GALK2: variants seen among roughly 807,000 people sequenced by gnomAD.
The protein encoded by GALK2 is galactokinase 2.
Under a neutral mutation model 52.4 loss-of-function variants are expected in GALK2, and 36 were observed. The ratio of observed to expected loss-of-function variants is 0.69; its 90% CI spans 0.53 to 0.91. The LOEUF (loss-of-function observed/expected upper bound fraction) is 0.91. Among genes scored for constraint, GALK2 ranks in the 40% least tolerant of loss-of-function variants. The pLI, the probability that GALK2 is intolerant of heterozygous loss-of-function variation, is 0.00. For missense variants in GALK2, 579 were observed against 559.1 expected (o/e 1.04, Z -0.36); for synonymous variants, 176 against 199.1 (o/e 0.88, Z 0.98).
chr15:49,341,239 G>A (rs1292571034), intron 3 of GALK2, among the ~76,000 whole-genome samples: 1 of 151,886 alleles, frequency 6.6e-6, no homozygotes, highest in Non-Finnish European at 1.5e-5. Context: ...ATTTTTTTTG[G>A]CTATTTGGGC....
At chr15:49,318,313 T>A (rs1432869069) in intron 8 of GALK2, 1 of 152,174 alleles carries the variant, frequency 6.6e-6, no homozygotes, top group Admixed American at 6.5e-5. Flanking sequence ...GGAAAATACA[T>A]ATATGTGTCA....
intron 5 of GALK2, among the ~76,000 whole-genome samples, chr15:49,269,951 C>T (rs897585137): frequency 3.3e-5 from 5 of 152,252 alleles, no homozygotes; most frequent in Non-Finnish European, 7.3e-5. Context: ...TATTCTTTCT[C>T]TAAGCCACAC....
chr15:49,298,837 A>G (rs547109081), intron 8 of GALK2, among the ~76,000 whole-genome samples: 1 of 152,208 alleles, frequency 6.6e-6, no homozygotes, highest in Non-Finnish European at 1.5e-5. Flanking sequence ...TTTTGCATCT[A>G]TATTCATCAG....
At chr15:49,347,285 A>T (rs563381957) in intron 3 of GALK2, among the ~76,000 whole-genome samples, 7 of 152,346 alleles carry the variant, frequency 4.6e-5, no homozygotes, top group African/African-American at 1.4e-4. Context: ...AATTAGTAAG[A>T]ATAAGAAGTG....
chr15:49,270,983 G>A (rs1308129127), intron 5 of GALK2, among the ~76,000 whole-genome samples: 1 of 152,108 alleles, frequency 6.6e-6, no homozygotes, highest in East Asian at 1.9e-4. Context: ...ACAGTATAAG[G>A]AACCCTTCCT....
intron 1 of GALK2, among the ~76,000 whole-genome samples, chr15:49,194,473 C>T (rs1197138663): frequency 3.9e-5 from 6 of 152,106 alleles, no homozygotes; most frequent in Admixed American, 1.3e-4. Context: ...GTTTTCATTA[C>T]GGAGGCCATA....
rs527653592 is a variant in GALK2, at chr15:49,220,466, C to G, written c.266+3153C>G. Among the ~76,000 whole-genome samples the G allele has an allele frequency of 1.8e-4, 27 of 151,978 alleles. 1 individual carries two copies. The highest frequency in any genetic ancestry group is 6.8e-3 in the Middle Eastern group (2 of 294). The stretch of plus-strand genomic sequence containing the variant: ...ATTCCATTGTGTATATATACATTTT[C>G]TTTATTTATTCATCTGTTGGTGGGC... On this transcript the variant is annotated intron_variant, in intron 3 of 9. Transcript: ENST00000560031.
At chr15:49,197,978 C>T (rs1254471839) in intron 1 of GALK2, among the ~76,000 whole-genome samples, 2 of 151,926 alleles carry the variant, frequency 1.3e-5, no homozygotes, top group African/African-American at 2.4e-5. Context: ...TATTTTATGT[C>T]ATTCTATCTC....
intron 3 of GALK2, among the ~76,000 whole-genome samples, chr15:49,340,926 G>T (rs191904432): frequency 2.3e-4 from 35 of 152,220 alleles, no homozygotes; most frequent in African/African-American, 8.2e-4. Context: ...AATCCATTTT[G>T]AGTTAATTTT....
intron 3 of GALK2, among the ~76,000 whole-genome samples, chr15:49,233,265 G>A (rs2090607246): frequency 6.6e-6 from 1 of 152,098 alleles, no homozygotes; most frequent in African/African-American, 2.4e-5. Flanking sequence ...GAGAGAGGTG[G>A]GAAGTGCCAC....
At chr15:49,256,322 G>T (rs1278403409) in intron 5 of GALK2, among the ~76,000 whole-genome samples, 2 of 152,158 alleles carry the variant, frequency 1.3e-5, no homozygotes, top group Non-Finnish European at 2.9e-5. Flanking sequence ...ATTGGTATAA[G>T]CCAGAGCTTC....
intron 5 of GALK2, among the ~76,000 whole-genome samples, chr15:49,249,040 ATAAGT>A (rs112495513): frequency 0.02 from 2,934 of 147,172 alleles, 92 homozygotes; most frequent in African/African-American, 0.065. Context: ...GCACCCTACA[ATAAGT>A]TAAGTGTTAC....
intron 5 of GALK2, among the ~76,000 whole-genome samples, chr15:49,255,591 A>C (rs188276598): frequency 9.4e-6 from 1 of 106,706 alleles, no homozygotes; most frequent in East Asian, 1.9e-4. Context: ...CTTCTTGGTG[A>C]ATTGCATCAC....
chr15:49,217,795 A>G (rs1405880667), intron 3 of GALK2, among the ~76,000 whole-genome samples: 1 of 152,204 alleles, frequency 6.6e-6, no homozygotes, highest in African/African-American at 2.4e-5. Flanking sequence ...CATATAAAAC[A>G]GAGTCTGGTG....
downstream of GALK2, among the ~76,000 whole-genome samples, chr15:49,333,332 A>G (rs886745257): frequency 7.2e-5 from 11 of 152,194 alleles, no homozygotes; most frequent in South Asian, 2.1e-4. Flanking sequence ...CATTGTGCCT[A>G]TAACTTTAAC....
intron 5 of GALK2, among the ~76,000 whole-genome samples, chr15:49,244,831 T>C (rs1045751078): frequency 1.6e-4 from 25 of 152,052 alleles, no homozygotes; most frequent in African/African-American, 5.8e-4. Context: ...ATGGAACTTA[T>C]AATCTTATCA....
chr15:49,165,502 G>A (rs2084790227), upstream of GALK2, among the ~76,000 whole-genome samples: 1 of 151,986 alleles, frequency 6.6e-6, no homozygotes, highest in South Asian at 2.1e-4. Context: ...TTGCCTTCAG[G>A]GAGCTTATAA....
chr15:49,277,349 T>C (rs927803753), intron 5 of GALK2, among the ~76,000 whole-genome samples: 2 of 142,266 alleles, frequency 1.4e-5, no homozygotes, highest in African/African-American at 5.1e-5. Flanking sequence ...TTTGTATTTT[T>C]AGTAGAGACG....
At chr15:49,316,094 T>C (rs985427165) in intron 8 of GALK2, among the ~76,000 whole-genome samples, 1 of 152,192 alleles carries the variant, frequency 6.6e-6, no homozygotes, top group Non-Finnish European at 1.5e-5. Flanking sequence ...ATCACTAAAC[T>C]ACTAAATTCT....
Sources: allele counts gnomAD v4.1 joint callset (sites outside exome capture counted in the v4.1 genomes callset), GRCh38; gene constraint gnomAD v4.1.1; transcripts MANE v1.5; gene names NCBI Gene and HGNC (gene_info 2026-07-23, HGNC 2026-07-21).